WIF1: variants seen among roughly 807,000 people sequenced by gnomAD.
WIF1 encodes the protein Wnt inhibitory factor 1.
A neutral mutation model predicts 53.5 loss-of-function variants in WIF1; 35 were observed. The ratio of observed to expected loss-of-function variants is 0.65; its 90% CI spans 0.50 to 0.87. The LOEUF is 0.87. Among genes scored for constraint, WIF1 ranks in the 40% least tolerant of loss-of-function variants. The pLI, the probability that WIF1 is intolerant of heterozygous loss-of-function variation, is 0.00. For missense variants in WIF1, 467 were observed against 476.8 expected (o/e 0.98, Z 0.19); for synonymous variants, 171 against 170.4 (o/e 1.00, Z -0.03).
intron 2 of WIF1, among the ~76,000 whole-genome samples, chr12:65,112,976 T>G (rs1047240986): frequency 5.3e-5 from 8 of 152,154 alleles, no homozygotes; most frequent in African/African-American, 1.9e-4. Flanking sequence ...CCTAACCTCA[T>G]TTGGATGAGT....
At chr12:65,064,181 G>T (rs543101200) in intron 6 of WIF1, among the ~76,000 whole-genome samples, 2 of 152,354 alleles carry the variant, frequency 1.3e-5, no homozygotes, top group Admixed American at 1.3e-4. Flanking sequence ...CGTGGGCACT[G>T]CCCAATTACT....
At chr12:65,108,401 T>G (rs1162482086) in intron 2 of WIF1, among the ~76,000 whole-genome samples, 5 of 152,312 alleles carry the variant, frequency 3.3e-5, no homozygotes, top group South Asian at 2.1e-4. Context: ...AGTCAAATTT[T>G]TTTCAATTGT....
chr12:65,097,699 C>T (rs986518367), intron 2 of WIF1, among the ~76,000 whole-genome samples: 1 of 152,136 alleles, frequency 6.6e-6, no homozygotes, highest in Non-Finnish European at 1.5e-5. Flanking sequence ...AAAATCAAGT[C>T]CTTCCTCAAC....
chr12:65,061,634 C>G (rs1882613714), intron 7 of WIF1, among the ~76,000 whole-genome samples: 2 of 152,140 alleles, frequency 1.3e-5, no homozygotes, highest in Admixed American at 6.5e-5. Flanking sequence ...AATATTGATT[C>G]CGAAAACAAT....
At chr12:65,107,866 A>T (rs1883373286) in intron 2 of WIF1, among the ~76,000 whole-genome samples, 1 of 152,168 alleles carries the variant, frequency 6.6e-6, no homozygotes, top group Admixed American at 6.6e-5. Flanking sequence ...ACCTGGTGGT[A>T]TAGTGACATT....
intron 7 of WIF1, among the ~76,000 whole-genome samples, chr12:65,058,890 A>T (rs1882569223): frequency 6.6e-6 from 1 of 152,148 alleles, no homozygotes. Flanking sequence ...TCTCTACTAA[A>T]AATGTAAAAA....
At chr12:65,092,796 A>AAGCT (rs1014563414) in intron 2 of WIF1, among the ~76,000 whole-genome samples, 10 of 152,042 alleles carry the variant, frequency 6.6e-5, no homozygotes, top group African/African-American at 2.4e-4. Flanking sequence ...AACCCAAGGA[A>AAGCT]AGCTGTCTGG....
Position 65,056,848 on chromosome 12 carries a change from C to T in WIF1, c.827-722G>A, listed in dbSNP as rs1214852542. Among the ~76,000 whole-genome samples, 3 of 151,150 alleles carry T rather than the reference C, an allele frequency of 2.0e-5. No individual in the cohort carries two copies. The East Asian group carries it at 6.0e-4, about 30-fold the overall frequency. ...TATTTTTAGTAGACACAGGGTTTCACCTTCTTGGCCAAGCTGGTCTCGAAC... is the reference window on the plus strand; with the variant it reads ...TATTTTTAGTAGACACAGGGTTTCATCTTCTTGGCCAAGCTGGTCTCGAAC... On this transcript the variant is annotated intron_variant, in intron 7 of 9. Coordinates refer to ENST00000286574, the MANE Select transcript of WIF1 (RefSeq NM_007191.5).
chr12:65,058,475 G>A (rs1882562155), intron 7 of WIF1, among the ~76,000 whole-genome samples: 1 of 152,054 alleles, frequency 6.6e-6, no homozygotes, highest in Non-Finnish European at 1.5e-5. Context: ...GGGAAGTGAG[G>A]ACCCTTAGAT....
chr12:65,055,900 T>C (rs780626069), intron 8 of WIF1, 131 bp downstream of exon 8: 30 of 714,784 alleles, frequency 4.2e-5, no homozygotes, highest in Non-Finnish European at 6.8e-5. Flanking sequence ...TAAGGAAGCA[T>C]ATATGTCAGT....
At chr12:65,065,725 G>A (rs1005602914) in intron 6 of WIF1, among the ~76,000 whole-genome samples, 1 of 152,016 alleles carries the variant, frequency 6.6e-6, no homozygotes, top group Non-Finnish European at 1.5e-5. Flanking sequence ...CATACAATTA[G>A]CATTTTTAAC....
intron 3 of WIF1, 112 bp from the exon 4 acceptor site, chr12:65,069,016 G>A (rs1882732397): frequency 5.0e-6 from 6 of 1,211,334 alleles, no homozygotes; most frequent in African/African-American, 1.5e-5. Flanking sequence ...TTCACATGTT[G>A]TGGATTTCCT....
At chr12:65,069,229 G>A (rs564197419) in intron 3 of WIF1, among the ~76,000 whole-genome samples, 3 of 152,182 alleles carry the variant, frequency 2.0e-5, no homozygotes, top group African/African-American at 7.2e-5. Flanking sequence ...ATCATAAAGT[G>A]GTTAATTATG....
chr12:65,112,191 T>A (rs936805942), intron 2 of WIF1, among the ~76,000 whole-genome samples: 5 of 152,176 alleles, frequency 3.3e-5, no homozygotes, highest in Admixed American at 6.5e-5. Context: ...CAACTTTAAT[T>A]TCTACACTTC....
At position 65,101,541 on chromosome 12, in the gene WIF1, A is replaced by G. The variant is rs916360347; in HGVS notation, c.288+18876T>C. On this transcript the variant is annotated intron_variant, in intron 2 of 9. Coordinates refer to ENST00000286574, the MANE Select transcript of WIF1 (RefSeq NM_007191.5). ...AAATTTTATTAACATTAAAATGGCAAACAGTATTTTGAAAAGTTAATTCTG... is the reference window on the plus strand; with the variant it reads ...AAATTTTATTAACATTAAAATGGCAGACAGTATTTTGAAAAGTTAATTCTG... Among the ~76,000 whole-genome samples, 10 of 152,318 alleles carry G rather than the reference A, an allele frequency of 6.6e-5. No individual in the cohort carries two copies. The East Asian group carries it at 1.7e-3, about 26-fold the overall frequency.
At chr12:65,091,090 C>A (rs1883114958) in intron 2 of WIF1, among the ~76,000 whole-genome samples, 1 of 151,972 alleles carries the variant, frequency 6.6e-6, no homozygotes, top group African/African-American at 2.4e-5. Context: ...TATCTTATTT[C>A]TTTAACTTTA....
intron 3 of WIF1, among the ~76,000 whole-genome samples, chr12:65,075,427 T>A (rs1882846785): frequency 6.6e-6 from 1 of 152,244 alleles, no homozygotes; most frequent in Admixed American, 6.5e-5. Flanking sequence ...GACTAAATTT[T>A]TTTTAAAAAG....
chr12:65,065,716 A>G (rs2136614159), intron 6 of WIF1, among the ~76,000 whole-genome samples: 1 of 152,332 alleles, frequency 6.6e-6, no homozygotes, highest in African/African-American at 2.4e-5. Context: ...TGCTCTATTC[A>G]TACAATTAGC....
chr12:65,094,693 AC>A (rs1293283094), intron 2 of WIF1, among the ~76,000 whole-genome samples: 2 of 152,154 alleles, frequency 1.3e-5, no homozygotes, highest in East Asian at 3.9e-4. Flanking sequence ...TTTGTACTAA[AC>A]ATGAGATCTT....
Sources: gnomAD v4.1 joint callset for allele counts (sites outside exome capture counted in the v4.1 genomes callset) on GRCh38, gnomAD v4.1.1 for gene constraint, MANE v1.5 for transcripts, NCBI Gene and HGNC (gene_info 2026-07-23, HGNC 2026-07-21) for gene names.